Variants in TRAPPC9 observed in about 807,000 individuals in gnomAD.
The protein encoded by TRAPPC9 is trafficking protein particle complex subunit 9, also known as IKK2 binding protein.
TRAPPC9 carries 83 observed loss-of-function variants against 124.0 expected under a neutral mutation model. The observed-to-expected ratio is 0.67, with a 90% CI of 0.56 to 0.80. The LOEUF is 0.80. TRAPPC9 is among the 30% of genes least tolerant of loss of function. The pLI is 0.00. For synonymous variants in TRAPPC9, 638 were observed against 617.5 expected, an observed-to-expected ratio of 1.03 and a Z score of -0.49; for missense variants, 1,302 against 1,508.3, an observed-to-expected ratio of 0.86 and a Z score of 2.27.
chr8:139,847,503 T>C (rs1187307023), intron 21 of TRAPPC9, among the ~76,000 whole-genome samples: 3 of 152,140 alleles, frequency 2.0e-5, no homozygotes, highest in Non-Finnish European at 4.4e-5. Flanking sequence ...GGTCTGGGGA[T>C]GGGCACGAGC....
At chr8:139,928,473 C>A (rs1450582804) in intron 19 of TRAPPC9, among the ~76,000 whole-genome samples, 1 of 150,920 alleles carries the variant, frequency 6.6e-6, no homozygotes, top group East Asian at 1.9e-4. Context: ...GCCTGGGTGA[C>A]AAAGTGAGAC....
intron 21 of TRAPPC9, among the ~76,000 whole-genome samples, chr8:139,745,028 AGAG>A (rs761779774): frequency 8.5e-5 from 13 of 152,270 alleles, no homozygotes; most frequent in East Asian, 1.9e-4. Context: ...TGAGCTCCGG[AGAG>A]GAGAAGGACT....
At chr8:139,837,007 C>T (rs1384514720) in intron 21 of TRAPPC9, among the ~76,000 whole-genome samples, 1 of 105,918 alleles carries the variant, frequency 9.4e-6, no homozygotes, top group East Asian at 3.6e-4. Context: ...TCAAGTCCTG[C>T]TTGCTTGTGA....
chr8:140,070,416 A>C (rs1286397367), intron 17 of TRAPPC9, among the ~76,000 whole-genome samples: 1 of 152,244 alleles, frequency 6.6e-6, no homozygotes, highest in Non-Finnish European at 1.5e-5. Flanking sequence ...ATGTAAAAAA[A>C]TCCATGCATA....
rs145812654 is a variant in TRAPPC9 at position 139,830,859 on chromosome 8, A to T, written c.3055+55020T>A. Among the ~76,000 whole-genome samples the T allele has an allele frequency of 1.1e-4, 16 of 152,344 alleles. No homozygotes were observed. In the East Asian group the frequency reaches 2.7e-3, roughly 26 times the overall value. ...AGCAAGGCTGCTGGTGACCACGAAC[A>T]GAGGGTCCCGCCCAGGACACCTGCT... is the stretch of plus-strand genomic sequence containing the variant. On this transcript the variant is annotated intron_variant, in intron 21 of 22. Transcript: ENST00000438773.
chr8:140,306,836 T>C (rs1384490163), intron 10 of TRAPPC9, among the ~76,000 whole-genome samples: 2 of 152,194 alleles, frequency 1.3e-5, no homozygotes, highest in Admixed American at 6.5e-5. Flanking sequence ...TATTCATCAA[T>C]GCATTATCTT....
intron 21 of TRAPPC9, chr8:139,881,160 C>A (rs1829654456): frequency 6.6e-6 from 1 of 152,202 alleles, no homozygotes; most frequent in South Asian, 2.1e-4. Context: ...TCCCGAGGTT[C>A]CTCTGGTGGC....
Position 139,732,095 on chromosome 8 carries a change from C to A in TRAPPC9, c.3163G>T (p.Val1055Leu), listed in dbSNP as rs35578974. 1 of 1,606,328 alleles carries A rather than the reference C, an allele frequency of 6.2e-7. No individual in the cohort carries two copies. Among genetic ancestry groups the A allele is most frequent in the Admixed American group, 1.7e-5 (1 of 59,138 alleles). The change falls in exon 22 of 23, where the codon GTA becomes TTA. Residue 1055 changes from valine (V) to leucine (L), a missense_variant. Val to Leu is a conservative substitution (Grantham distance 32, BLOSUM62 1). This residue lies in a region of TRAPPC9 where 640 missense variants were observed against 679.3 expected (regional missense o/e 0.94). Coordinates refer to ENST00000438773, the MANE Select transcript of TRAPPC9 (RefSeq NM_001160372.4). Reference sequence around the variant, plus strand: ...ACCACAGTGAGGGCGAAGGGCCCTACGCTGCGCGGGCTCCGGTTGGTCAGC... The same window carrying A: ...ACCACAGTGAGGGCGAAGGGCCCTAAGCTGCGCGGGCTCCGGTTGGTCAGC... ...VRLTNRSPRS[V>L]GPFALTVVPF...
chr8:140,018,610 A>C lies in TRAPPC9; in HGVS notation c.2699+5327T>G, dbSNP rs979519965. Among the ~76,000 whole-genome samples the C allele has an allele frequency of 2.6e-5, 4 of 152,130 alleles. No homozygotes were observed. In the East Asian group the frequency reaches 7.7e-4, roughly 29 times the overall value. ...CCAAAGTGCTGGGATTACAGGCGTG[A>C]GCCACCGTGCCTGGCCACATAAGTG... On this transcript the variant is annotated intron_variant, in intron 18 of 22. Coordinates refer to ENST00000438773, the MANE Select transcript of TRAPPC9 (RefSeq NM_001160372.4).
chr8:139,847,984 G>C (rs373390930), intron 21 of TRAPPC9, among the ~76,000 whole-genome samples: 6 of 152,248 alleles, frequency 3.9e-5, no homozygotes, highest in African/African-American at 1.4e-4. Flanking sequence ...GTGGGGCCTG[G>C]ACTTGGTCTG....
In TRAPPC9 at chr8:139,890,001, G is replaced by C. The variant is rs57220681; in HGVS notation, c.2965-4032C>G. Among the ~76,000 whole-genome samples, 1,117 of 152,350 alleles carry C rather than the reference G, an allele frequency of 7.3e-3. 12 individuals are homozygous for C. Among genetic ancestry groups the C allele is most frequent in the African/African-American group, 0.025 (1,040 of 41,590 alleles). ...GCACAGGAAGCAACAGCTGGGGATCGGGGTCCTGCCTTCCTGCATCTCCCA... is the reference window on the plus strand; with the variant it reads ...GCACAGGAAGCAACAGCTGGGGATCCGGGTCCTGCCTTCCTGCATCTCCCA... On this transcript the variant is annotated intron_variant, in intron 20 of 22. Coordinates refer to ENST00000438773, the MANE Select transcript of TRAPPC9 (RefSeq NM_001160372.4).
chr8:140,054,516 C>A (rs928157831), intron 17 of TRAPPC9, among the ~76,000 whole-genome samples: 2 of 151,898 alleles, frequency 1.3e-5, no homozygotes, highest in Non-Finnish European at 2.9e-5. Flanking sequence ...GAGAAAAAAA[C>A]AAACTATGCC....
chr8:140,013,213 G>A (rs13272079), intron 18 of TRAPPC9, among the ~76,000 whole-genome samples: 129 of 152,232 alleles, frequency 8.5e-4, no homozygotes, highest in Non-Finnish European at 1.5e-3. Flanking sequence ...CATCACAGTC[G>A]CAGCAGCTGG....
intron 17 of TRAPPC9, among the ~76,000 whole-genome samples, chr8:140,213,710 G>A (rs1450550205): frequency 6.6e-6 from 1 of 152,152 alleles, no homozygotes; most frequent in Non-Finnish European, 1.5e-5. Flanking sequence ...TTGACAAGGG[G>A]GAGCAGGAAC....
chr8:139,784,606 G>GATATAT (rs1463265666), intron 21 of TRAPPC9, among the ~76,000 whole-genome samples: 52 of 30,430 alleles, frequency 1.7e-3, no homozygotes, highest in African/African-American at 4.9e-3. Flanking sequence ...ATAAAAGACT[G>GATATAT]ACATATATAT....
intron 9 of TRAPPC9, among the ~76,000 whole-genome samples, chr8:140,325,489 A>G (rs965432910): frequency 6.6e-6 from 1 of 152,258 alleles, no homozygotes; most frequent in Non-Finnish European, 1.5e-5. Context: ...ATAAGGGAAC[A>G]GTATAAACAA....
chr8:140,359,578 G>A (rs1470426489), intron 9 of TRAPPC9, among the ~76,000 whole-genome samples: 1 of 152,136 alleles, frequency 6.6e-6, no homozygotes, highest in Non-Finnish European at 1.5e-5. Flanking sequence ...GTGACTCGAA[G>A]GGGCACGAGG....
chr8:139,786,080 C>T (rs1053006675), intron 21 of TRAPPC9, among the ~76,000 whole-genome samples: 5 of 151,976 alleles, frequency 3.3e-5, no homozygotes, highest in South Asian at 2.1e-4. Context: ...TGGTGGCGGG[C>T]GCCTGTAATT....
chr8:140,234,765 G>A (rs999151703), intron 16 of TRAPPC9, among the ~76,000 whole-genome samples: 3 of 152,138 alleles, frequency 2.0e-5, no homozygotes, highest in Admixed American at 1.3e-4. Flanking sequence ...ATACTTGTGA[G>A]TACTTAATAT....
Sources: allele counts gnomAD v4.1 joint callset (sites outside exome capture counted in the v4.1 genomes callset), GRCh38; gene constraint gnomAD v4.1.1; regional missense constraint gnomAD v4.1.1; transcripts MANE v1.5; gene names NCBI Gene and HGNC (gene_info 2026-07-23, HGNC 2026-07-21).